CNBP: variants seen among roughly 807,000 people sequenced by gnomAD.
CNBP encodes the protein cellular nucleic acid-binding protein.
A neutral mutation model predicts 21.2 loss-of-function variants in CNBP; 6 were observed. The observed-to-expected ratio is 0.28, with a 90% CI of 0.16 to 0.56. CNBP has a LOEUF of 0.56. Ranked by LOEUF, CNBP falls within the 20% of genes least tolerant of loss-of-function variation. The pLI, the probability that CNBP is intolerant of heterozygous loss-of-function variation, is 0.93. For missense variants in CNBP, 112 were observed against 233.1 expected (o/e 0.48, Z 3.38); for synonymous variants, 61 against 74.9 (o/e 0.81, Z 0.96).
chr3:129,183,452 G>A (rs911884144), intron 1 of CNBP, among the ~76,000 whole-genome samples: 5 of 152,218 alleles, frequency 3.3e-5, no homozygotes, highest in Admixed American at 1.3e-4. Context: ...GAAGCGTCAG[G>A]GCCTCGGCCC....
chr3:129,175,589 C>A (rs1398813458), intron 1 of CNBP, among the ~76,000 whole-genome samples: 1 of 151,800 alleles, frequency 6.6e-6, no homozygotes, highest in Admixed American at 6.6e-5. Context: ...ACCACCACGC[C>A]CAGGTAATTT....
chr3:129,182,435 G>A (rs543796935), intron 1 of CNBP, among the ~76,000 whole-genome samples: 1 of 151,960 alleles, frequency 6.6e-6, no homozygotes, highest in African/African-American at 2.4e-5. Flanking sequence ...CACTTCCTTT[G>A]GAAGTGCCCT....
At chr3:129,175,869 T>G (rs1212478332) in intron 1 of CNBP, among the ~76,000 whole-genome samples, 2 of 152,038 alleles carry the variant, frequency 1.3e-5, no homozygotes, top group Admixed American at 1.3e-4. Context: ...TTAAAAGAGG[T>G]CTTTGAGTGG....
chr3:129,174,183 CA>C (rs1937724500), intron 1 of CNBP, among the ~76,000 whole-genome samples: 2 of 151,726 alleles, frequency 1.3e-5, no homozygotes, highest in Non-Finnish European at 2.9e-5. Context: ...TTCAGATATA[CA>C]AAACATTTCT....
chr3:129,182,811 T>C (rs1256362251), intron 1 of CNBP, among the ~76,000 whole-genome samples: 1 of 152,118 alleles, frequency 6.6e-6, no homozygotes, highest in African/African-American at 2.4e-5. Flanking sequence ...AACTTAGTAT[T>C]TAAATGACGA....
chr3:129,181,866 A>C (rs1938325262), intron 1 of CNBP, among the ~76,000 whole-genome samples: 1 of 152,112 alleles, frequency 6.6e-6, no homozygotes, highest in Non-Finnish European at 1.5e-5. Context: ...GCCCTTGGGA[A>C]TGTAATAAAT....
chr3:129,172,687 GACAGACAGACAC>G (rs1487683018), intron 1 of CNBP, among the ~76,000 whole-genome samples: 3,045 of 93,634 alleles, frequency 0.033, 41 homozygotes, highest in Middle Eastern at 0.049. Context: ...CAGACAGACA[GACAGACAGACAC>G]ACACACACAC....
In CNBP at chr3:129,170,480, C is replaced by A. The variant is rs1937547280; in HGVS notation, c.507G>T (p.Arg169=). ...YRCGESGHLA[R]ECTIEATA ...AGGCTGTAGCCTCAATTGTGCATTC[C>A]CGTGCAAGGTGCCCTGACTCGCCAC... The change falls in exon 5 of 5, where the codon CGG becomes CGT. Residue 169 remains arginine, a synonymous_variant. Transcript: ENST00000422453. The A allele has an allele frequency of 6.2e-7, 1 of 1,614,006 alleles. No individual in the cohort carries two copies. Among genetic ancestry groups the A allele is most frequent in the Middle Eastern group, 1.6e-4 (1 of 6,084 alleles).
chr3:129,172,699 C>G (rs867372784), intron 1 of CNBP, among the ~76,000 whole-genome samples: 281 of 127,838 alleles, frequency 2.2e-3, no homozygotes, highest in African/African-American at 7.2e-3. Flanking sequence ...CAGACAGACA[C>G]ACACACACAC....
intron 1 of CNBP, among the ~76,000 whole-genome samples, chr3:129,181,339 C>G (rs1938277226): frequency 6.7e-6 from 1 of 149,586 alleles, no homozygotes; most frequent in East Asian, 2.0e-4. Flanking sequence ...CCTGCCTGTT[C>G]CAGATGTTCA....
intron 1 of CNBP, among the ~76,000 whole-genome samples, chr3:129,181,239 C>CAAAAAAAAAAAAAAAAAAAAAAA (rs10587328): frequency 1.3e-4 from 7 of 53,176 alleles, no homozygotes; most frequent in East Asian, 1.1e-3. Context: ...GACTCTGTCT[C>CAAAAAAAAAAAAAAAAAAAAAAA]AAAAAAAAAA....
intron 1 of CNBP, among the ~76,000 whole-genome samples, chr3:129,174,577 A>G (rs527525716): frequency 8.6e-5 from 13 of 151,552 alleles, no homozygotes; most frequent in Middle Eastern, 3.4e-3. Flanking sequence ...AGGCAGGATA[A>G]TCTCTTGAAC....
At chr3:129,172,656 GCAGA>G (rs1169469064) in intron 1 of CNBP, among the ~76,000 whole-genome samples, 19 of 112,648 alleles carry the variant, frequency 1.7e-4, no homozygotes, top group African/African-American at 3.3e-4. Context: ...AGGCAGGCAG[GCAGA>G]CAGACAGACA....
chr3:129,181,662 A>AAAAAAAAAAAAAAAAAAAAAAAG, intron 1 of CNBP, among the ~76,000 whole-genome samples: 1 of 149,494 alleles, frequency 6.7e-6, no homozygotes, highest in African/African-American at 2.4e-5. Context: ...AAAAAAAAAA[A>AAAAAAAAAAAAAAAAAAAAAAAG]GAAAAACCCC....
chr3:129,171,040 T>G (rs77012344), intron 4 of CNBP, 39 bp downstream of exon 4: 1 of 1,570,856 alleles, frequency 6.4e-7, no homozygotes, highest in Admixed American at 1.7e-5. Context: ...GAAGAATCTC[T>G]GCAATGAGTT....
Position 129,171,068 on chromosome 3 carries a change from T to G in CNBP, c.416+11A>C. 1 of 1,607,604 alleles carries G rather than the reference T, an allele frequency of 6.2e-7. No individual in the cohort carries two copies. Among genetic ancestry groups the G allele is most frequent in the Admixed American group, 1.7e-5 (1 of 59,736 alleles). The stretch of plus-strand genomic sequence containing the variant: ...AATGAGTTTTCTTCTAACAACATTC[T>G]GACACCTTACCTATAGCACTTCACT... On this transcript the variant is annotated intron_variant, in intron 4 of 4. Transcript: ENST00000422453.
intron 1 of CNBP, among the ~76,000 whole-genome samples, chr3:129,179,514 C>A (rs1576924370): frequency 6.6e-6 from 1 of 152,122 alleles, no homozygotes; most frequent in East Asian, 1.9e-4. Context: ...CATTAGTAAA[C>A]ATATCTATAA....
chr3:129,182,421 C>G (rs919103745), intron 1 of CNBP, among the ~76,000 whole-genome samples: 1 of 152,072 alleles, frequency 6.6e-6, no homozygotes, highest in East Asian at 1.9e-4. Context: ...AGACCAGAAA[C>G]AGTCACTTCC....
rs903160997 is a variant in CNBP, at chr3:129,171,811, GTTCTT to G, written c.-14-45_-14-41del. On this transcript the variant is annotated intron_variant, in intron 1 of 4. Coordinates refer to ENST00000422453, the MANE Select transcript of CNBP (RefSeq NM_003418.5). ...AAGTAACAGCATTAAACCACTGAAA[GTTCTT>G]TTAACTTTTATTCTCTATTAAATGT... 112 of 1,570,848 alleles carry G rather than the reference GTTCTT, an allele frequency of 7.1e-5. No individual in the cohort carries two copies. In the Middle Eastern group the frequency reaches 1.9e-3, roughly 27 times the overall value.
Sources: gnomAD v4.1 joint callset for allele counts (sites outside exome capture counted in the v4.1 genomes callset) on GRCh38, gnomAD v4.1.1 for gene constraint, MANE v1.5 for transcripts, NCBI Gene and HGNC (gene_info 2026-07-23, HGNC 2026-07-21) for gene names.